SLMAP: variants seen among roughly 807,000 people sequenced by gnomAD.
The protein encoded by SLMAP is sarcolemmal membrane-associated protein.
In SLMAP, 44 loss-of-function variants were observed where a neutral mutation model predicts 128.8. The observed-to-expected ratio is 0.34, with a 90% confidence interval of 0.27 to 0.44. SLMAP has a LOEUF of 0.44. SLMAP is among the 20% of genes least tolerant of loss of function. The probability of loss-of-function intolerance (pLI) is 1.00; values close to 1 mark genes in which losing one functional copy is unlikely to be tolerated. For missense variants in SLMAP, 787 were observed against 985.3 expected, an observed-to-expected ratio of 0.80 and a Z score of 2.69; for synonymous variants, 327 against 348.8, an observed-to-expected ratio of 0.94 and a Z score of 0.70.
chr3:57,776,527 T>C (rs1439532902), intron 2 of SLMAP, among the ~76,000 whole-genome samples: 2 of 147,032 alleles, frequency 1.4e-5, no homozygotes, highest in African/African-American at 2.5e-5. Flanking sequence ...TCTCTCTTTT[T>C]TTTTTTTTTT....
intron 9 of SLMAP, among the ~76,000 whole-genome samples, chr3:57,861,630 T>G (rs1471127604): frequency 6.6e-6 from 1 of 152,158 alleles, no homozygotes; most frequent in Non-Finnish European, 1.5e-5. Flanking sequence ...TTGATAGGCT[T>G]AAAATATTTT....
intron 14 of SLMAP, among the ~76,000 whole-genome samples, chr3:57,889,481 A>C (rs2096001970): frequency 6.6e-6 from 1 of 152,236 alleles, no homozygotes; most frequent in Non-Finnish European, 1.5e-5. Context: ...GAAACGTGGA[A>C]TATGAAAATA....
At position 57,896,915 on chromosome 3, in the gene SLMAP, A is replaced by G; in HGVS notation, c.1484A>G (p.Lys495Arg). The G allele has an allele frequency of 1.2e-6, 2 of 1,613,212 alleles. No homozygotes were observed. Among genetic ancestry groups the G allele is most frequent in the African/African-American group, 1.3e-5 (1 of 75,028 alleles). The change falls in exon 17 of 25, where the codon AAA becomes AGA. Residue 495 changes from lysine (K) to arginine (R), a missense_variant. Lys to Arg is a conservative substitution (Grantham distance 26, BLOSUM62 2). Transcript: ENST00000671191. Reference sequence around the variant, plus strand: ...CAAGACCTAAATGAGCCTCTTGCCAAAGTGTCCCTTTTAAAAGGTACTTTA... The same window carrying G: ...CAAGACCTAAATGAGCCTCTTGCCAGAGTGTCCCTTTTAAAAGGTACTTTA... ...DEQDLNEPLA[K>R]VSLLKDDLQG...
At chr3:57,823,896 TTTAATGATCGCCATTC>T (rs2092726252) in intron 2 of SLMAP, among the ~76,000 whole-genome samples, 1 of 152,202 alleles carries the variant, frequency 6.6e-6, no homozygotes, top group South Asian at 2.1e-4. Context: ...TTCCTGACAT[TTTAATGATCGCCATTC>T]TAACTGGTGT....
At chr3:57,922,095 T>G (rs1179996878) in intron 22 of SLMAP, among the ~76,000 whole-genome samples, 1 of 152,230 alleles carries the variant, frequency 6.6e-6, no homozygotes. Flanking sequence ...CCTAGAAAAT[T>G]CACTTATCCA....
chr3:57,871,701 G>A lies in SLMAP; in HGVS notation c.1300+3G>A. On this transcript the variant is annotated splice_donor_region_variant and intron_variant, in intron 14 of 24. Transcript: ENST00000671191. The stretch of plus-strand genomic sequence containing the variant: ...TCATCAATTCATAGAATGCCAGAGT[G>A]AGTACAGAGTATTTTTCACATTGAT... The A allele has an allele frequency of 1.2e-6, 2 of 1,605,060 alleles. No individual in the cohort carries two copies. The highest frequency in any genetic ancestry group is 1.7e-6 in the Non-Finnish European group (2 of 1,172,518).
intron 17 of SLMAP, among the ~76,000 whole-genome samples, chr3:57,904,432 G>T (rs1320393017): frequency 6.6e-6 from 1 of 152,132 alleles, no homozygotes; most frequent in Non-Finnish European, 1.5e-5. Context: ...TGAAACAAAA[G>T]AAAACAAAAC....
chr3:57,807,729 A>G (rs1483872868), intron 2 of SLMAP, among the ~76,000 whole-genome samples: 2 of 152,108 alleles, frequency 1.3e-5, no homozygotes, highest in Non-Finnish European at 2.9e-5. Flanking sequence ...GATGGCCTGA[A>G]GTTTTCTTTT....
chr3:57,811,824 T>C (rs893800483), intron 2 of SLMAP, among the ~76,000 whole-genome samples: 1 of 152,166 alleles, frequency 6.6e-6, no homozygotes, highest in African/African-American at 2.4e-5. Context: ...CTCTAATGAT[T>C]AGTGATGTTC....
intron 2 of SLMAP, among the ~76,000 whole-genome samples, chr3:57,795,673 A>G (rs887297759): frequency 6.6e-6 from 1 of 152,124 alleles, no homozygotes. Flanking sequence ...TTGTGGTAAA[A>G]TATGCATAAC....
intron 8 of SLMAP, 99 bp from the exon 9 acceptor site, chr3:57,860,600 T>C: frequency 7.0e-6 from 6 of 858,790 alleles, no homozygotes; most frequent in Non-Finnish European, 1.0e-5. Context: ...GGTACCTTAA[T>C]ATATAATTTA....
chr3:57,865,349 A>G, intron 13 of SLMAP, 57 bp downstream of exon 13: 1 of 757,256 alleles, frequency 1.3e-6, no homozygotes, highest in Admixed American at 2.6e-5. Context: ...TTAGTATTTA[A>G]GCAGGATAAG....
chr3:57,867,389 ATAG>A (rs1193953054), intron 13 of SLMAP, among the ~76,000 whole-genome samples: 2 of 152,330 alleles, frequency 1.3e-5, no homozygotes, highest in African/African-American at 2.4e-5. Flanking sequence ...GATGAAAATA[ATAG>A]TAGACTGTTT....
chr3:57,917,258 A>G (rs554455590), intron 22 of SLMAP, 181 bp downstream of exon 22: 1 of 1,442,090 alleles, frequency 6.9e-7, no homozygotes, highest in Non-Finnish European at 9.2e-7. Flanking sequence ...TATGTAGAGA[A>G]TTCTTCAGTA....
intron 2 of SLMAP, among the ~76,000 whole-genome samples, chr3:57,793,761 C>A (rs960852903): frequency 1.3e-5 from 2 of 151,834 alleles, no homozygotes; most frequent in Admixed American, 6.6e-5. Context: ...GATGGGTAAA[C>A]CTTCGCTTAT....
intron 2 of SLMAP, among the ~76,000 whole-genome samples, chr3:57,810,653 G>T (rs536231065): frequency 6.6e-6 from 1 of 151,992 alleles, no homozygotes; most frequent in Non-Finnish European, 1.5e-5. Flanking sequence ...CGCTACGTCC[G>T]CACTGTTCTT....
chr3:57,884,712 G>T (rs549676084), intron 14 of SLMAP, among the ~76,000 whole-genome samples: 2 of 152,222 alleles, frequency 1.3e-5, no homozygotes, highest in East Asian at 1.9e-4. Context: ...GGGAGGCTGA[G>T]GTGGGAGGAT....
chr3:57,818,144 C>CT (rs1204778717), intron 2 of SLMAP, among the ~76,000 whole-genome samples: 1 of 147,858 alleles, frequency 6.8e-6, no homozygotes, highest in East Asian at 2.3e-4. Flanking sequence ...GTCCTGATTT[C>CT]TTTTTTGTTT....
chr3:57,795,947 A>G (rs1209481743), intron 2 of SLMAP, among the ~76,000 whole-genome samples: 1 of 152,158 alleles, frequency 6.6e-6, no homozygotes, highest in Non-Finnish European at 1.5e-5. Context: ...AGTATCTTTT[A>G]AAGTGTAAAT....
Sources: allele counts gnomAD v4.1 joint callset (sites outside exome capture counted in the v4.1 genomes callset), GRCh38; gene constraint gnomAD v4.1.1; transcripts MANE v1.5; gene names NCBI Gene and HGNC (gene_info 2026-07-23, HGNC 2026-07-21).